Variants in AGBL1 observed in about 807,000 individuals in gnomAD.
AGBL1 encodes AGBL carboxypeptidase 1, also known as cytosolic carboxypeptidase 4.
A neutral mutation model predicts 118.9 loss-of-function variants in AGBL1; 130 were observed. The observed-to-expected ratio is 1.09, with a 90% CI of 0.95 to 1.26. AGBL1 has a LOEUF of 1.26. AGBL1 is among the 50% of genes most tolerant of loss of function. The pLI is 0.00. For missense variants in AGBL1, 1,584 were observed against 1,298.1 expected (o/e 1.22, Z -3.38); for synonymous variants, 555 against 478.9 (o/e 1.16, Z -2.08).
At chr15:86,848,493 C>G (rs762028479) in intron 22 of AGBL1, among the ~76,000 whole-genome samples, 4 of 152,156 alleles carry the variant, frequency 2.6e-5, no homozygotes, top group Non-Finnish European at 5.9e-5. Flanking sequence ...GGTATCACAT[C>G]CCTTCATCAT....
chr15:86,382,291 G>T (rs1387243863), intron 17 of AGBL1, among the ~76,000 whole-genome samples: 2 of 152,118 alleles, frequency 1.3e-5, no homozygotes. Flanking sequence ...GAAACGAAGG[G>T]GCCAGAAATA....
At position 86,913,200 on chromosome 15, in the gene AGBL1, T is replaced by TACACACACACACAC. The variant is rs10556535; in HGVS notation, c.*5921_*5934dup. ...TTGAGTTCCCCACCACACACACACA[T>TACACACACACACAC]ACACACACACACACACACACACACA... is the stretch of plus-strand genomic sequence containing the variant. On this transcript the variant is annotated 3_prime_UTR_variant, in exon 23 of 23. Transcript: ENST00000614907. 1 of 148,424 alleles carries TACACACACACACAC rather than the reference T, an allele frequency of 6.7e-6. No homozygotes were observed. The highest frequency in any genetic ancestry group is 2.0e-4 in the East Asian group (1 of 4,954). 9.2% of individuals were successfully genotyped at this position (148,424 alleles called of 1,614,324 possible). A position where few individuals can be genotyped will look rare whatever the true frequency, so the allele number is the denominator to read the frequency against.
intron 1 of AGBL1, among the ~76,000 whole-genome samples, chr15:86,141,707 C>T (rs2076965885): frequency 6.6e-6 from 1 of 152,200 alleles, no homozygotes; most frequent in Non-Finnish European, 1.5e-5. Context: ...GCTACTCTGG[C>T]CCACAAAGCC....
intron 21 of AGBL1, among the ~76,000 whole-genome samples, chr15:86,662,290 G>A (rs2085559024): frequency 6.6e-6 from 1 of 152,198 alleles, no homozygotes; most frequent in Non-Finnish European, 1.5e-5. Context: ...ACTTTTTTAT[G>A]GGGCATTTAC....
At chr15:86,736,010 A>AG (rs1202844493) in intron 22 of AGBL1, among the ~76,000 whole-genome samples, 1 of 152,196 alleles carries the variant, frequency 6.6e-6, no homozygotes, top group Non-Finnish European at 1.5e-5. Flanking sequence ...CTTGACAATG[A>AG]GGATACCAAG....
intron 18 of AGBL1, among the ~76,000 whole-genome samples, chr15:86,485,205 G>A (rs969711427): frequency 1.3e-5 from 2 of 152,154 alleles, no homozygotes. Flanking sequence ...TGTTAGAAAT[G>A]CACAATCTCA....
chr15:86,566,280 T>C (rs895991791), intron 21 of AGBL1, among the ~76,000 whole-genome samples: 17 of 152,262 alleles, frequency 1.1e-4, no homozygotes, highest in Admixed American at 3.3e-4. Context: ...CCCTAATTTT[T>C]CTTGAGTATG....
At position 86,380,335 on chromosome 15, in the gene AGBL1, A is replaced by G. The variant is rs1479441497; in HGVS notation, c.2375-17031A>G. 9.2e-5 allele frequency among the ~76,000 whole-genome samples: 13 copies of G among 141,558 alleles called. 1 individual carries two copies. Among genetic ancestry groups the G allele is most frequent in the Non-Finnish European group, 1.9e-4 (13 of 66,810 alleles). 92.9% of individuals were successfully genotyped at this position (141,558 alleles called of 152,430 possible). A position where few individuals can be genotyped will look rare whatever the true frequency, so the allele number is the denominator to read the frequency against. ...AGTCCCACTGTGTCGCCCAGGCTGG[A>G]GGACAGTGGTGCAATCTCGGCTCAC... On this transcript the variant is annotated intron_variant, in intron 17 of 22. Coordinates refer to ENST00000614907, the MANE Select transcript of AGBL1 (RefSeq NM_001386094.1).
intron 18 of AGBL1, among the ~76,000 whole-genome samples, chr15:86,446,413 C>A (rs1331413594): frequency 1.3e-5 from 2 of 152,194 alleles, no homozygotes; most frequent in Non-Finnish European, 2.9e-5. Context: ...ATTGGCATAG[C>A]AAGCTGTATT....
chr15:86,386,940 A>G (rs150291510), intron 17 of AGBL1, among the ~76,000 whole-genome samples: 8 of 152,314 alleles, frequency 5.3e-5, no homozygotes, highest in African/African-American at 1.9e-4. Flanking sequence ...ATGTTGTGAC[A>G]TAACTGGGCA....
chr15:86,774,180 G>A (rs1051702005), intron 22 of AGBL1, among the ~76,000 whole-genome samples: 2 of 152,044 alleles, frequency 1.3e-5, no homozygotes, highest in Non-Finnish European at 2.9e-5. Flanking sequence ...ACCTGAGCCC[G>A]ATGCTGTATT....
intron 6 of AGBL1, among the ~76,000 whole-genome samples, chr15:86,230,775 GC>G (rs1342465706): frequency 6.6e-6 from 1 of 152,168 alleles, no homozygotes; most frequent in Non-Finnish European, 1.5e-5. Context: ...ACCACATGAT[GC>G]TTTGAAATAT....
intron 18 of AGBL1, among the ~76,000 whole-genome samples, chr15:86,510,328 A>G (rs4887475): frequency 1.3e-5 from 2 of 151,740 alleles, no homozygotes; most frequent in African/African-American, 4.8e-5. Flanking sequence ...GGCTTGATCA[A>G]CTCATCAGGG....
intron 2 of AGBL1, among the ~76,000 whole-genome samples, chr15:86,142,691 G>C (rs2076979613): frequency 6.6e-6 from 1 of 152,214 alleles, no homozygotes; most frequent in Admixed American, 6.5e-5. Flanking sequence ...GGTTTCAAGA[G>C]GAAGGGGCCC....
intron 22 of AGBL1, among the ~76,000 whole-genome samples, chr15:86,675,298 A>G (rs915158245): frequency 3.3e-5 from 5 of 152,156 alleles, no homozygotes; most frequent in Non-Finnish European, 7.3e-5. Flanking sequence ...TCCTGGGGCC[A>G]TCTTATTTTG....
At chr15:86,548,109 TG>T (rs528911286) in intron 20 of AGBL1, among the ~76,000 whole-genome samples, 234 of 152,240 alleles carry the variant, frequency 1.5e-3, no homozygotes, top group African/African-American at 5.2e-3. Context: ...ATTTTACAGA[TG>T]GGAAAATTGA....
chr15:86,091,498 C>A (rs1896022652), intron 1 of AGBL1, among the ~76,000 whole-genome samples: 2 of 152,222 alleles, frequency 1.3e-5, no homozygotes, highest in Non-Finnish European at 2.9e-5. Context: ...TTTCTGTCTG[C>A]CTATGCAGTT....
At chr15:86,215,224 CGTGTGTGTGTGTGTGTGTGTGT>C (rs1555449552) in intron 5 of AGBL1, among the ~76,000 whole-genome samples, 1 of 114,404 alleles carries the variant, frequency 8.7e-6, no homozygotes, top group Admixed American at 1.1e-4. Context: ...TATATGTATG[CGTGTGTGTGTGTGTGTGTGTGT>C]GTGTGTGTGT....
At chr15:86,399,346 AAC>A (rs1458224372) in intron 18 of AGBL1, among the ~76,000 whole-genome samples, 1 of 152,190 alleles carries the variant, frequency 6.6e-6, no homozygotes, top group Non-Finnish European at 1.5e-5. Flanking sequence ...ATGGATGGAA[AAC>A]AGTTATGCAA....
Sources: gnomAD v4.1 joint callset for allele counts (sites outside exome capture counted in the v4.1 genomes callset) on GRCh38, gnomAD v4.1.1 for gene constraint, MANE v1.5 for transcripts, NCBI Gene and HGNC (gene_info 2026-07-23, HGNC 2026-07-21) for gene names.